The following PCGF6 variants were observed in gnomAD, a reference collection of about 807,000 sequenced individuals.
PCGF6 encodes polycomb group RING finger protein 6.
Under a neutral mutation model 45.5 loss-of-function variants are expected in PCGF6, and 24 were observed. That is an observed-to-expected ratio of 0.53 (90% confidence interval 0.38 to 0.74). The LOEUF (loss-of-function observed/expected upper bound fraction) is 0.74, where lower values mean the gene tolerates loss of function less well. PCGF6 is among the 30% of genes least tolerant of loss of function. The pLI is 0.00. For synonymous variants in PCGF6, 152 were observed against 162.1 expected (o/e 0.94, Z 0.47); for missense variants, 356 against 443.2 (o/e 0.80, Z 1.77).
rs1472598377 is a variant in PCGF6, at chr10:103,349,015, A to C, written c.361-16T>G. On this transcript the variant is annotated splice_polypyrimidine_tract_variant and intron_variant, in intron 1 of 9. Coordinates refer to ENST00000369847, the MANE Select transcript of PCGF6 (RefSeq NM_001011663.2). Reference sequence around the variant, plus strand: ...TAATCAGGCGCTGCAAATAAACGGAAACAGTTTTAAAATACAAGTCCTTGC... The same window carrying C: ...TAATCAGGCGCTGCAAATAAACGGACACAGTTTTAAAATACAAGTCCTTGC... The C allele has an allele frequency of 6.3e-7, 1 of 1,589,528 alleles. No individual in the cohort carries two copies. Among genetic ancestry groups the C allele is most frequent in the Non-Finnish European group, 8.6e-7 (1 of 1,165,590 alleles).
intron 9 of PCGF6, among the ~76,000 whole-genome samples, chr10:103,305,294 C>T (rs1418823457): frequency 6.7e-6 from 1 of 149,968 alleles, no homozygotes; most frequent in African/African-American, 2.5e-5. Context: ...TTTTTTGAAA[C>T]ACAGTCTGGC....
At chr10:103,324,267 T>TA (rs1158363052) in intron 8 of PCGF6, among the ~76,000 whole-genome samples, 1 of 151,166 alleles carries the variant, frequency 6.6e-6, no homozygotes, top group African/African-American at 2.5e-5. Flanking sequence ...GATAAAAAAT[T>TA]ATTCTATAAA....
chr10:103,304,159 CAG>C (rs2093129260), intron 9 of PCGF6, among the ~76,000 whole-genome samples, 198 bp from the exon 10 acceptor site: 1 of 143,628 alleles, frequency 7.0e-6, no homozygotes, highest in African/African-American at 2.6e-5. Flanking sequence ...TTTTTTGAGA[CAG>C]AGTCTCACTC....
chr10:103,336,286 G>A (rs576967898), intron 6 of PCGF6, among the ~76,000 whole-genome samples: 25 of 150,322 alleles, frequency 1.7e-4, no homozygotes, highest in Non-Finnish European at 3.1e-4. Context: ...AAGTAATAGA[G>A]ATACAGAAAT....
chr10:103,315,994 GTATATA>G (rs376306313), intron 8 of PCGF6, among the ~76,000 whole-genome samples: 11 of 131,964 alleles, frequency 8.3e-5, no homozygotes, highest in South Asian at 7.5e-4. Flanking sequence ...GTGTGTGTGT[GTATATA>G]TATATATATA....
At chr10:103,335,524 G>A (rs1005125737) in intron 6 of PCGF6, among the ~76,000 whole-genome samples, 3 of 151,854 alleles carry the variant, frequency 2.0e-5, no homozygotes, top group South Asian at 2.1e-4. Flanking sequence ...CACCACACCC[G>A]GCTAATTTTT....
At chr10:103,316,280 ACTT>A (rs1313392677) in intron 8 of PCGF6, among the ~76,000 whole-genome samples, 19 of 152,108 alleles carry the variant, frequency 1.2e-4, no homozygotes, top group Non-Finnish European at 2.5e-4. Flanking sequence ...TCCTAGCCAG[ACTT>A]CTTATCTTCA....
chr10:103,322,548 C>A (rs1399946309), intron 8 of PCGF6, among the ~76,000 whole-genome samples: 1 of 151,958 alleles, frequency 6.6e-6, no homozygotes, highest in Non-Finnish European at 1.5e-5. Flanking sequence ...AGGCTGGGCA[C>A]AGTGGCTCAT....
intron 6 of PCGF6, among the ~76,000 whole-genome samples, chr10:103,336,497 A>G (rs2093257897): frequency 6.6e-6 from 1 of 152,204 alleles, no homozygotes; most frequent in African/African-American, 2.4e-5. Flanking sequence ...TACTTGGTAC[A>G]TGGGCATCAG....
Position 103,302,837 on chromosome 10 carries a change from T to C in PCGF6, c.*1068A>G, listed in dbSNP as rs1173644256. On this transcript the variant is annotated 3_prime_UTR_variant, in exon 10 of 10. Transcript: ENST00000369847. ...TTTATTAAATGTTAGAATAAATTTA[T>C]ACACAATTCACAAATTCTTTACAAA... The C allele has an allele frequency of 6.6e-6, 1 of 152,218 alleles. No individual in the cohort carries two copies. The highest frequency in any genetic ancestry group is 1.9e-4 in the East Asian group (1 of 5,200). 9.4% of individuals were successfully genotyped at this position (152,218 alleles called of 1,614,324 possible).
chr10:103,316,880 T>G (rs945754393), intron 8 of PCGF6, among the ~76,000 whole-genome samples: 1 of 152,192 alleles, frequency 6.6e-6, no homozygotes, highest in Non-Finnish European at 1.5e-5. Flanking sequence ...AAGGGCCAAA[T>G]CTAGCCTGTC....
intron 8 of PCGF6, among the ~76,000 whole-genome samples, chr10:103,316,452 C>T (rs1445936325): frequency 6.6e-6 from 1 of 152,182 alleles, no homozygotes; most frequent in Non-Finnish European, 1.5e-5. Context: ...ATCTAATCCT[C>T]ATATTCCTAT....
At chr10:103,327,770 G>T (rs2093224367) in intron 7 of PCGF6, among the ~76,000 whole-genome samples, 1 of 151,650 alleles carries the variant, frequency 6.6e-6, no homozygotes, top group African/African-American at 2.4e-5. Context: ...CGCCTCCCGG[G>T]TTCACGCTAT....
At chr10:103,343,693 C>T (rs1182406150) in intron 6 of PCGF6, among the ~76,000 whole-genome samples, 5 of 151,700 alleles carry the variant, frequency 3.3e-5, no homozygotes, top group South Asian at 2.1e-4. Flanking sequence ...ATTAGCCAGG[C>T]GTGGTGGCAT....
intron 6 of PCGF6, among the ~76,000 whole-genome samples, chr10:103,334,659 G>C (rs1032495432): frequency 6.6e-6 from 1 of 151,996 alleles, no homozygotes; most frequent in Non-Finnish European, 1.5e-5. Context: ...TAATTACCTG[G>C]ACATAATTTT....
intron 6 of PCGF6, among the ~76,000 whole-genome samples, chr10:103,334,757 T>C (rs926560421): frequency 6.6e-6 from 1 of 152,198 alleles, no homozygotes; most frequent in Non-Finnish European, 1.5e-5. Context: ...GGTATCTAAC[T>C]TTTTGTTGAG....
chr10:103,342,955 C>T (rs1479424608), intron 6 of PCGF6, among the ~76,000 whole-genome samples: 1 of 151,784 alleles, frequency 6.6e-6, no homozygotes, highest in Non-Finnish European at 1.5e-5. Context: ...CTTTTTGAGA[C>T]GGAGTCTCTG....
At chr10:103,322,389 A>G (rs929089256) in intron 8 of PCGF6, among the ~76,000 whole-genome samples, 2 of 151,914 alleles carry the variant, frequency 1.3e-5, no homozygotes, top group Non-Finnish European at 2.9e-5. Context: ...TATTTTTTGT[A>G]GAGCTGGGGT....
chr10:103,348,340 GTTTT>G, intron 3 of PCGF6: 1 of 145,164 alleles, frequency 6.9e-6, no homozygotes, highest in East Asian at 2.0e-4. Flanking sequence ...GAGTTTTTTT[GTTTT>G]TTTTTTTTTT....
Sources: gnomAD v4.1 joint callset for allele counts (sites outside exome capture counted in the v4.1 genomes callset) on GRCh38, gnomAD v4.1.1 for gene constraint, MANE v1.5 for transcripts, NCBI Gene and HGNC (gene_info 2026-07-23, HGNC 2026-07-21) for gene names.